Variants in TMEM14B observed in about 807,000 individuals in gnomAD.
TMEM14B encodes transmembrane protein 14B.
In TMEM14B, 9 loss-of-function variants were observed where a neutral mutation model predicts 14.8. That is an observed-to-expected ratio of 0.61 (90% CI 0.37 to 1.06). The LOEUF (loss-of-function observed/expected upper bound fraction) is 1.06, where lower values mean the gene tolerates loss of function less well. Among genes scored for constraint, TMEM14B ranks in the 50% least tolerant of loss-of-function variants. The probability of loss-of-function intolerance (pLI) is 0.01; values close to 1 mark genes in which losing one functional copy is unlikely to be tolerated. For synonymous variants in TMEM14B, 40 were observed against 51.3 expected (o/e 0.78, Z 0.94); for missense variants, 128 against 143.6 (o/e 0.89, Z 0.56).
At chr6:10,755,970 G>T (rs1319262045) in intron 5 of TMEM14B, among the ~76,000 whole-genome samples, 3 of 147,914 alleles carry the variant, frequency 2.0e-5, no homozygotes, top group African/African-American at 7.9e-5. Flanking sequence ...AAAAAAAAAA[G>T]TTCACTTGTT....
chr6:10,751,807 A>C (rs1260238012), intron 4 of TMEM14B, among the ~76,000 whole-genome samples: 1 of 152,126 alleles, frequency 6.6e-6, no homozygotes, highest in East Asian at 1.9e-4. Flanking sequence ...AGACATGAGC[A>C]TAGAAGCAGG....
intron 5 of TMEM14B, chr6:10,755,557 T>C (rs1771772553): frequency 1.5e-6 from 2 of 1,298,512 alleles, no homozygotes; most frequent in Non-Finnish European, 1.9e-6. Flanking sequence ...ATTTCTTAGG[T>C]GTGTAGGTGT....
At chr6:10,754,918 G>C in intron 4 of TMEM14B, among the ~76,000 whole-genome samples, 2 of 152,342 alleles carry the variant, frequency 1.3e-5, no homozygotes, top group South Asian at 4.1e-4. Context: ...TAAGAGATGA[G>C]GCTGGAAGGG....
intron 1 of TMEM14B, among the ~76,000 whole-genome samples, chr6:10,748,518 A>G (rs1771419327): frequency 6.6e-6 from 1 of 152,070 alleles, no homozygotes; most frequent in Admixed American, 6.6e-5. Flanking sequence ...CTCCCAAAGT[A>G]CTGGGATTAC....
intron 1 of TMEM14B, among the ~76,000 whole-genome samples, chr6:10,748,225 GT>G (rs1171519740): frequency 6.6e-6 from 1 of 151,896 alleles, no homozygotes; most frequent in Admixed American, 6.6e-5. Flanking sequence ...GCCCTTCCCC[GT>G]TTTATGGGAA....
At chr6:10,753,785 C>T (rs1834729328) in intron 4 of TMEM14B, among the ~76,000 whole-genome samples, 1 of 151,384 alleles carries the variant, frequency 6.6e-6, no homozygotes, top group South Asian at 2.1e-4. Context: ...AATTCATCAG[C>T]AGGTCTTGTC....
At chr6:10,748,040 T>C (rs1224220310) in intron 1 of TMEM14B, among the ~76,000 whole-genome samples, 159 bp downstream of exon 1, 1 of 152,192 alleles carries the variant, frequency 6.6e-6, no homozygotes, top group African/African-American at 2.4e-5. Context: ...ATTTTCTGCT[T>C]GTCTTAAAAG....
intron 4 of TMEM14B, among the ~76,000 whole-genome samples, chr6:10,753,167 T>C (rs1771658063): frequency 6.6e-6 from 1 of 151,864 alleles, no homozygotes; most frequent in Non-Finnish European, 1.5e-5. Context: ...ACCCGGGAAG[T>C]GGAGGTCGCG....
chr6:10,751,276 G>A (rs1771554295), intron 4 of TMEM14B, 42 bp downstream of exon 4: 2 of 1,605,106 alleles, frequency 1.2e-6, no homozygotes, highest in Admixed American at 1.7e-5. Flanking sequence ...TCATGTATCT[G>A]GAATATTCTT....
intron 4 of TMEM14B, among the ~76,000 whole-genome samples, chr6:10,753,413 C>G (rs1771669582): frequency 6.6e-6 from 1 of 151,998 alleles, no homozygotes; most frequent in South Asian, 2.1e-4. Flanking sequence ...TTTAGCAGTT[C>G]TCAGCACGGT....
chr6:10,749,559 A>G (rs575435641), intron 2 of TMEM14B, 63 bp from the exon 3 acceptor site: 65 of 1,571,858 alleles, frequency 4.1e-5, no homozygotes, highest in Non-Finnish European at 5.3e-5. Flanking sequence ...TCCTATGACA[A>G]TATGGTTTGT....
At position 10,749,379 on chromosome 6, in the gene TMEM14B, A is replaced by G. The variant is rs920796407; in HGVS notation, c.23+111A>G. 10 of 1,388,592 alleles carry G rather than the reference A, an allele frequency of 7.2e-6. No individual in the cohort carries two copies. The African/African-American group carries it at 1.4e-4, about 20-fold the overall frequency. 86.0% of individuals were successfully genotyped at this position (1,388,592 alleles called of 1,614,324 possible). A position where few individuals can be genotyped will look rare whatever the true frequency, so the allele number is the denominator to read the frequency against. On this transcript the variant is annotated intron_variant, in intron 2 of 5. Coordinates refer to ENST00000379542, the MANE Select transcript of TMEM14B (RefSeq NM_030969.5). ...TAGACTGCCTGGGATGGCGTGCGGG[A>G]TGGGAGGATCACTGGACCTGTGGGC...
Position 10,749,191 on chromosome 6 carries a change from GT to G in TMEM14B, c.-44-7del. On this transcript the variant is annotated splice_polypyrimidine_tract_variant and intron_variant, in intron 1 of 5. Transcript: ENST00000379542. ...CTTTTAACCACTGCTGATCCGGCTTGTTTTCCCCAGATGCAGGCCTGGGGTA... is the reference window on the plus strand; with the variant it reads ...CTTTTAACCACTGCTGATCCGGCTTGTTTCCCCAGATGCAGGCCTGGGGTA... 6.2e-7 allele frequency: 1 copy of G among 1,605,066 alleles called. No homozygotes were observed. Among genetic ancestry groups the G allele is most frequent in the South Asian group, 1.1e-5 (1 of 90,806 alleles).
At chr6:10,751,359 C>T in intron 4 of TMEM14B, 125 bp downstream of exon 4, 1 of 1,009,504 alleles carries the variant, frequency 9.9e-7, no homozygotes, top group South Asian at 1.6e-5. Flanking sequence ...CACTGCTTCT[C>T]CAAGTCCAAG....
At chr6:10,751,800 CATG>C (rs1318990594) in intron 4 of TMEM14B, among the ~76,000 whole-genome samples, 9 of 152,042 alleles carry the variant, frequency 5.9e-5, no homozygotes, top group African/African-American at 1.9e-4. Flanking sequence ...GGAAGTAAGA[CATG>C]AGCATAGAAG....
downstream of TMEM14B, among the ~76,000 whole-genome samples, chr6:10,758,724 C>T (rs2018035): frequency 0.1 from 15,380 of 152,006 alleles, 1,267 homozygotes; most frequent in East Asian, 0.36. Flanking sequence ...AAGGAACCAA[C>T]AGTTAAGCTG....
rs1447284506 is a variant in TMEM14B, at chr6:10,755,191, C to CTA, written c.254_255dup (p.Gly86MetfsTer7). On this transcript the variant is annotated frameshift_variant, in exon 5 of 6. Coordinates refer to ENST00000379542, the MANE Select transcript of TMEM14B (RefSeq NM_030969.5). LOFTEE classifies it high-confidence loss of function. Reference sequence around the variant, plus strand: ...GTGTTATGGGAATGAGATCCTACTACTATGGAAAATTCATGCCTGTAGGTT... The same window carrying CTA: ...GTGTTATGGGAATGAGATCCTACTACTATATGGAAAATTCATGCCTGTAGGTT... The CTA allele has an allele frequency of 6.2e-7, 1 of 1,613,904 alleles. No homozygotes were observed. The highest frequency in any genetic ancestry group is 8.5e-7 in the Non-Finnish European group (1 of 1,180,030).
rs2127496618 is a variant in TMEM14B, at chr6:10,755,193, A to G, written c.254A>G (p.Tyr85Cys). Reference sequence around the variant, plus strand: ...GTTATGGGAATGAGATCCTACTACTATGGAAAATTCATGCCTGTAGGTTTA... The same window carrying G: ...GTTATGGGAATGAGATCCTACTACTGTGGAAAATTCATGCCTGTAGGTTTA... ...VGVMGMRSYYYGKFMPVGLIA... is the reference protein window; with the variant it reads ...VGVMGMRSYYCGKFMPVGLIA... The change falls in exon 5 of 6, where the codon TAT (tyrosine) becomes TGT (cysteine). Residue 85 changes from tyrosine to cysteine, a missense_variant. Coordinates refer to ENST00000379542, the MANE Select transcript of TMEM14B (RefSeq NM_030969.5). 6.2e-7 allele frequency: 1 copy of G among 1,614,098 alleles called. No individual in the cohort carries two copies. Among genetic ancestry groups the G allele is most frequent in the Non-Finnish European group, 8.5e-7 (1 of 1,180,028 alleles).
At chr6:10,754,918 G>A (rs542261226) in intron 4 of TMEM14B, among the ~76,000 whole-genome samples, 7 of 152,342 alleles carry the variant, frequency 4.6e-5, no homozygotes, top group African/African-American at 1.4e-4. Context: ...TAAGAGATGA[G>A]GCTGGAAGGG....
Sources: gnomAD v4.1 joint callset for allele counts (sites outside exome capture counted in the v4.1 genomes callset) on GRCh38, gnomAD v4.1.1 for gene constraint, MANE v1.5 for transcripts, NCBI Gene and HGNC (gene_info 2026-07-23, HGNC 2026-07-21) for gene names.